The following ADAMTS16 variants were observed in gnomAD, a reference collection of about 807,000 sequenced individuals.
ADAMTS16 encodes the protein ADAM metallopeptidase with thrombospondin type 1 motif 16.
ADAMTS16 carries 94 observed loss-of-function variants against 145.8 expected under a neutral mutation model. The observed-to-expected ratio is 0.64, with a 90% CI of 0.55 to 0.77. The LOEUF (loss-of-function observed/expected upper bound fraction) is 0.77. ADAMTS16 is among the 30% of genes least tolerant of loss of function. ADAMTS16 has a pLI of 0.00. For missense variants in ADAMTS16, 1,585 were observed against 1,591.5 expected, an observed-to-expected ratio of 1.00 and a Z score of 0.07; for synonymous variants, 659 against 604.3, an observed-to-expected ratio of 1.09 and a Z score of -1.33.
At chr5:5,219,113 C>A (rs887663360) in intron 10 of ADAMTS16, among the ~76,000 whole-genome samples, 5 of 151,814 alleles carry the variant, frequency 3.3e-5, no homozygotes, top group Non-Finnish European at 7.4e-5. Context: ...CTCCAGGGAC[C>A]CCCCCTTCTC....
intron 10 of ADAMTS16, 150 bp downstream of exon 10, chr5:5,209,396 CAT>C (rs770471530): frequency 2.7e-5 from 25 of 932,858 alleles, no homozygotes; most frequent in South Asian, 8.3e-5. Flanking sequence ...ACGGGAAACA[CAT>C]GTTTCACTGG....
chr5:5,319,013 T>G lies in ADAMTS16; in HGVS notation c.3560-10T>G. Reference sequence around the variant, plus strand: ...GGATCGCTGAGTAATGCAGCTCTGCTCATTTTCAGATGCCTTCTGCAAAGA... The same window carrying G: ...GGATCGCTGAGTAATGCAGCTCTGCGCATTTTCAGATGCCTTCTGCAAAGA... On this transcript the variant is annotated splice_polypyrimidine_tract_variant and intron_variant, in intron 22 of 22. Coordinates refer to ENST00000274181, the MANE Select transcript of ADAMTS16 (RefSeq NM_139056.4). The G allele has an allele frequency of 6.3e-7, 1 of 1,599,658 alleles. No homozygotes were observed. The highest frequency in any genetic ancestry group is 1.1e-5 in the South Asian group (1 of 89,402).
intron 18 of ADAMTS16, among the ~76,000 whole-genome samples, chr5:5,302,177 C>T (rs532384216): frequency 3.9e-5 from 6 of 152,282 alleles, no homozygotes; most frequent in African/African-American, 1.4e-4. Flanking sequence ...GCTTGGTAGA[C>T]ACACTCAGGC....
intron 10 of ADAMTS16, among the ~76,000 whole-genome samples, chr5:5,213,597 G>A (rs956794437): frequency 3.3e-5 from 5 of 152,166 alleles, no homozygotes; most frequent in African/African-American, 1.2e-4. Flanking sequence ...CGAAGACTTT[G>A]CTTTATTCTT....
intron 16 of ADAMTS16, 47 bp from the exon 17 acceptor site, chr5:5,242,006 G>T: frequency 6.2e-7 from 1 of 1,607,474 alleles, no homozygotes. Context: ...TGTACTTGCT[G>T]GTTTTGCATT....
At chr5:5,248,408 C>A (rs911923890) in intron 17 of ADAMTS16, among the ~76,000 whole-genome samples, 18 of 152,338 alleles carry the variant, frequency 1.2e-4, no homozygotes, top group South Asian at 4.1e-4. Flanking sequence ...ACCCCATGGG[C>A]AGGGTTTGTC....
intron 18 of ADAMTS16, among the ~76,000 whole-genome samples, chr5:5,268,282 T>C (rs1738323278): frequency 6.6e-6 from 1 of 152,124 alleles, no homozygotes; most frequent in Non-Finnish European, 1.5e-5. Flanking sequence ...TTCCCACGTA[T>C]CTCCCATGTA....
chr5:5,313,977 T>C (rs1740564547), intron 21 of ADAMTS16, among the ~76,000 whole-genome samples: 1 of 152,202 alleles, frequency 6.6e-6, no homozygotes, highest in Admixed American at 6.5e-5. Context: ...TGCTGCTGGA[T>C]AGAGAAGGTG....
intron 21 of ADAMTS16, among the ~76,000 whole-genome samples, chr5:5,308,081 A>G (rs1295677991): frequency 6.6e-6 from 1 of 152,202 alleles, no homozygotes; most frequent in African/African-American, 2.4e-5. Context: ...CCAGGGTTGC[A>G]TGACCATAAC....
intron 17 of ADAMTS16, among the ~76,000 whole-genome samples, chr5:5,244,632 CT>C (rs915515048): frequency 2.6e-5 from 4 of 152,240 alleles, no homozygotes; most frequent in Non-Finnish European, 5.9e-5. Context: ...GACTCCCATT[CT>C]TATGTCACCC....
chr5:5,215,297 A>G (rs925667052), intron 10 of ADAMTS16, among the ~76,000 whole-genome samples: 18 of 152,254 alleles, frequency 1.2e-4, no homozygotes, highest in Admixed American at 6.5e-5. Context: ...TGAAGAATAA[A>G]TAATGACAAT....
At chr5:5,186,435 ATTTTC>A (rs1735501452) in intron 5 of ADAMTS16, among the ~76,000 whole-genome samples, 184 bp downstream of exon 5, 1 of 152,034 alleles carries the variant, frequency 6.6e-6, no homozygotes, top group Non-Finnish European at 1.5e-5. Flanking sequence ...GAAAAGAGCC[ATTTTC>A]AGAACTTCAT....
At chr5:5,154,286 T>C (rs1254231326) in intron 3 of ADAMTS16, among the ~76,000 whole-genome samples, 1 of 152,174 alleles carries the variant, frequency 6.6e-6, no homozygotes, top group Non-Finnish European at 1.5e-5. Flanking sequence ...ATTAGGTTTT[T>C]GGATAAAGAA....
intron 18 of ADAMTS16, among the ~76,000 whole-genome samples, chr5:5,271,163 G>A (rs890668346): frequency 6.6e-6 from 1 of 152,242 alleles, no homozygotes; most frequent in Non-Finnish European, 1.5e-5. Context: ...GCACCCAGAG[G>A]CCGTCCTGCA....
At chr5:5,282,499 T>A (rs1264205345) in intron 18 of ADAMTS16, among the ~76,000 whole-genome samples, 1 of 152,202 alleles carries the variant, frequency 6.6e-6, no homozygotes, top group East Asian at 1.9e-4. Context: ...CTCACTTAAA[T>A]CCACATGCGG....
intron 3 of ADAMTS16, among the ~76,000 whole-genome samples, chr5:5,172,074 A>C (rs1323759062): frequency 1.3e-5 from 2 of 152,084 alleles, no homozygotes; most frequent in East Asian, 1.9e-4. Context: ...GAAGCCTCTA[A>C]TCATCCTTTG....
In ADAMTS16 at chr5:5,174,926, G is replaced by A. The variant is rs149451671; in HGVS notation, c.502-7118G>A. Reference sequence around the variant, plus strand: ...TGCCAGGACTGAGACTCACCCTTCAGGGCAGTAGGCTCCTCTCTGACCCAG... The same window carrying A: ...TGCCAGGACTGAGACTCACCCTTCAAGGCAGTAGGCTCCTCTCTGACCCAG... On this transcript the variant is annotated intron_variant, in intron 3 of 22. Coordinates refer to ENST00000274181, the MANE Select transcript of ADAMTS16 (RefSeq NM_139056.4). Among the ~76,000 whole-genome samples the A allele has an allele frequency of 2.8e-4, 42 of 152,254 alleles. No homozygotes were observed. In the East Asian group the frequency reaches 7.9e-3, roughly 29 times the overall value.
At chr5:5,300,287 G>A in intron 18 of ADAMTS16, among the ~76,000 whole-genome samples, 1 of 152,106 alleles carries the variant, frequency 6.6e-6, no homozygotes, top group East Asian at 1.9e-4. Flanking sequence ...CGGCAACAGA[G>A]TAACCGAGAG....
At chr5:5,236,892 A>G (rs1737125707) in intron 13 of ADAMTS16, 77 bp from the exon 14 acceptor site, 3 of 1,496,394 alleles carry the variant, frequency 2.0e-6, no homozygotes, top group Non-Finnish European at 2.7e-6. Context: ...AAGAAAGTCT[A>G]TCTAAAATTC....
Sources: allele counts gnomAD v4.1 joint callset (sites outside exome capture counted in the v4.1 genomes callset), GRCh38; gene constraint gnomAD v4.1.1; transcripts MANE v1.5; gene names NCBI Gene and HGNC (gene_info 2026-07-23, HGNC 2026-07-21).